The following CAST variants were observed in gnomAD, a reference collection of about 807,000 sequenced individuals.
CAST encodes calpastatin, also known as MIR583 host.
Under a neutral mutation model 119.6 loss-of-function variants are expected in CAST, and 76 were observed. The ratio of observed to expected loss-of-function variants is 0.64; its 90% CI spans 0.53 to 0.77. The LOEUF (loss-of-function observed/expected upper bound fraction) is 0.77, where lower values mean the gene tolerates loss of function less well. Among genes scored for constraint, CAST ranks in the 30% least tolerant of loss-of-function variants. The probability of loss-of-function intolerance (pLI) is 0.00; values close to 1 mark genes in which losing one functional copy is unlikely to be tolerated. For missense variants in CAST, 953 were observed against 946.5 expected (o/e 1.01, Z -0.09); for synonymous variants, 319 against 331.6 (o/e 0.96, Z 0.41).
chr5:96,754,253 T>A, intron 21 of CAST, 92 bp downstream of exon 21: 1 of 830,482 alleles, frequency 1.2e-6, no homozygotes, highest in South Asian at 1.4e-5. Context: ...GTTTTTTATA[T>A]TTCCTGTAAA....
chr5:96,246,358 T>A, the CAST span, among the ~76,000 whole-genome samples: 1 of 152,094 alleles, frequency 6.6e-6, no homozygotes, highest in Admixed American at 6.5e-5. Flanking sequence ...AATTTCTTTT[T>A]GTATTTTCAG....
the CAST span, among the ~76,000 whole-genome samples, chr5:96,151,846 C>G: frequency 6.6e-6 from 1 of 152,152 alleles, no homozygotes; most frequent in African/African-American, 2.4e-5. Context: ...TGGAAAAAAC[C>G]CCTTGGATAG....
At chr5:96,265,379 G>A in the CAST span, among the ~76,000 whole-genome samples, 1 of 151,938 alleles carries the variant, frequency 6.6e-6, no homozygotes, top group African/African-American at 2.4e-5. Flanking sequence ...TAAGGAATTG[G>A]AGACGCAGGA....
At chr5:96,425,068 G>GAAAGAA in the CAST span, among the ~76,000 whole-genome samples, 1 of 136,366 alleles carries the variant, frequency 7.3e-6, no homozygotes, top group African/African-American at 2.7e-5. Flanking sequence ...AAGAAAGAAA[G>GAAAGAA]AAAGAAAACG....
At chr5:96,736,327 TATG>T (rs1453679298) in intron 10 of CAST, 87 bp downstream of exon 10, 38 of 747,992 alleles carry the variant, frequency 5.1e-5, no homozygotes, top group Non-Finnish European at 7.9e-5. Flanking sequence ...GGGCAAATAA[TATG>T]AGGGGGGTAA....
chr5:96,574,636 G>A (rs1054920478), intron 1 of CAST, among the ~76,000 whole-genome samples: 1 of 151,924 alleles, frequency 6.6e-6, no homozygotes, highest in Non-Finnish European at 1.5e-5. Flanking sequence ...AATTTTCCTT[G>A]TGTTTTCCTA....
the CAST span, among the ~76,000 whole-genome samples, chr5:95,990,816 A>C: frequency 6.6e-6 from 1 of 152,042 alleles, no homozygotes; most frequent in Non-Finnish European, 1.5e-5. Context: ...ATAGCTCACT[A>C]TAGCCTTGAA....
chr5:96,046,682 A>T, the CAST span, among the ~76,000 whole-genome samples: 1 of 152,228 alleles, frequency 6.6e-6, no homozygotes, highest in Non-Finnish European at 1.5e-5. Context: ...AAGAGTAATA[A>T]GACATGGTGT....
the CAST span, among the ~76,000 whole-genome samples, chr5:96,292,544 G>A: frequency 6.6e-6 from 1 of 152,146 alleles, no homozygotes; most frequent in Non-Finnish European, 1.5e-5. Context: ...CTAAGGTTGT[G>A]ACTTTGAGAT....
intron 1 of CAST, among the ~76,000 whole-genome samples, chr5:96,630,636 A>G (rs1195497932): frequency 6.6e-6 from 1 of 151,968 alleles, no homozygotes; most frequent in Non-Finnish European, 1.5e-5. Flanking sequence ...AAAATACAAA[A>G]TTAGCCAGTT....
chr5:96,443,377 C>T, the CAST span, among the ~76,000 whole-genome samples: 1 of 152,292 alleles, frequency 6.6e-6, no homozygotes, highest in East Asian at 1.9e-4. Flanking sequence ...TTCAAGCCAG[C>T]CAGGCACTCC....
At chr5:96,501,235 C>CA in the CAST span, among the ~76,000 whole-genome samples, 61 of 151,372 alleles carry the variant, frequency 4.0e-4, no homozygotes, top group Admixed American at 7.2e-4. Flanking sequence ...TAATACAGGA[C>CA]AAAAAAAACT....
chr5:96,388,304 C>G, the CAST span, among the ~76,000 whole-genome samples: 1 of 152,366 alleles, frequency 6.6e-6, no homozygotes, highest in Non-Finnish European at 1.5e-5. Context: ...AGACTGTTCT[C>G]TCTCAGGATG....
At chr5:96,695,446 A>G (rs1240514124) in intron 2 of CAST, among the ~76,000 whole-genome samples, 1 of 152,112 alleles carries the variant, frequency 6.6e-6, no homozygotes, top group Non-Finnish European at 1.5e-5. Flanking sequence ...TATTTCCCTA[A>G]GATACATTTT....
intron 16 of CAST, among the ~76,000 whole-genome samples, chr5:96,743,231 T>C (rs914207273): frequency 2.0e-5 from 3 of 152,236 alleles, no homozygotes; most frequent in Admixed American, 6.5e-5. Flanking sequence ...AGCTCCTGCA[T>C]ATTTATAGAA....
At chr5:96,725,913 T>G (rs974852428) in intron 4 of CAST, among the ~76,000 whole-genome samples, 1 of 152,218 alleles carries the variant, frequency 6.6e-6, no homozygotes, top group African/African-American at 2.4e-5. Context: ...TTTAAAAACA[T>G]TTCAATCATA....
the CAST span, among the ~76,000 whole-genome samples, chr5:96,173,223 A>G: frequency 1.3e-5 from 2 of 152,226 alleles, no homozygotes; most frequent in South Asian, 4.1e-4. Flanking sequence ...ACTAAGATCT[A>G]CTGCACTGGA....
intron 1 of CAST, among the ~76,000 whole-genome samples, chr5:96,576,663 T>C (rs1746677175): frequency 6.6e-6 from 1 of 152,164 alleles, no homozygotes; most frequent in Non-Finnish European, 1.5e-5. Context: ...AAGATTTTTT[T>C]TCATATTTTT....
the CAST span, among the ~76,000 whole-genome samples, chr5:96,511,301 C>T: frequency 1.3e-5 from 2 of 152,096 alleles, no homozygotes; most frequent in Non-Finnish European, 2.9e-5. Flanking sequence ...CCCGCCACCA[C>T]GCCTGGCTAA....
Sources: allele counts gnomAD v4.1 joint callset (sites outside exome capture counted in the v4.1 genomes callset), GRCh38; gene constraint gnomAD v4.1.1; transcripts MANE v1.5; gene names NCBI Gene and HGNC (gene_info 2026-07-23, HGNC 2026-07-21).